ANXA6: variants seen among roughly 807,000 people sequenced by gnomAD.
The protein encoded by ANXA6 is annexin A6.
In ANXA6, 71 loss-of-function variants were observed where a neutral mutation model predicts 95.4. The observed-to-expected ratio is 0.74, with a 90% CI of 0.61 to 0.91. The LOEUF (loss-of-function observed/expected upper bound fraction) is 0.91. Ranked by LOEUF, ANXA6 falls within the 40% of genes least tolerant of loss-of-function variation. The pLI, the probability that ANXA6 is intolerant of heterozygous loss-of-function variation, is 0.00. For missense variants in ANXA6, 830 were observed against 876.4 expected, an observed-to-expected ratio of 0.95 and a Z score of 0.67; for synonymous variants, 289 against 315.9, an observed-to-expected ratio of 0.91 and a Z score of 0.90.
At chr5:151,148,956 T>G (rs1484974669) in intron 1 of ANXA6, among the ~76,000 whole-genome samples, 1 of 151,428 alleles carries the variant, frequency 6.6e-6, no homozygotes, top group African/African-American at 2.4e-5. Flanking sequence ...GGGAGGATAA[T>G]TTGAGCCCAG....
intron 7 of ANXA6, among the ~76,000 whole-genome samples, chr5:151,134,872 G>C (rs1392370839): frequency 1.3e-5 from 2 of 152,140 alleles, no homozygotes; most frequent in Non-Finnish European, 2.9e-5. Context: ...ATTCCACAGG[G>C]GCAAAGGATC....
intron 13 of ANXA6, among the ~76,000 whole-genome samples, chr5:151,127,780 CACTTA>C (rs1765369016): frequency 6.6e-6 from 1 of 152,202 alleles, no homozygotes; most frequent in African/African-American, 2.4e-5. Flanking sequence ...ACCCAGAAGG[CACTTA>C]ACACAAATAT....
At chr5:151,129,923 C>A (rs558743018) in intron 11 of ANXA6, among the ~76,000 whole-genome samples, 1 of 152,156 alleles carries the variant, frequency 6.6e-6, no homozygotes, top group Non-Finnish European at 1.5e-5. Flanking sequence ...GTTGGCCAGG[C>A]TGGTCTTGAA....
At chr5:151,105,334 C>G in intron 23 of ANXA6, 31 bp from the exon 24 acceptor site, 1 of 1,610,082 alleles carries the variant, frequency 6.2e-7, no homozygotes, top group Non-Finnish European at 8.5e-7. Context: ...ATGCGGGGAA[C>G]GTGGTCAGAG....
intron 4 of ANXA6, 33 bp from the exon 5 acceptor site, chr5:151,138,824 G>C: frequency 6.9e-7 from 1 of 1,458,428 alleles, no homozygotes; most frequent in Non-Finnish European, 9.6e-7. Flanking sequence ...AGATAGAAGA[G>C]GAAAGAGGAA....
chr5:151,135,112 G>A (rs780150726), intron 7 of ANXA6, among the ~76,000 whole-genome samples: 6 of 152,268 alleles, frequency 3.9e-5, no homozygotes, highest in Non-Finnish European at 5.9e-5. Flanking sequence ...TCCTTCTTAC[G>A]TGGGCAGAGG....
chr5:151,135,327 C>T (rs1050486573), intron 7 of ANXA6, among the ~76,000 whole-genome samples: 6 of 152,176 alleles, frequency 3.9e-5, no homozygotes, highest in Non-Finnish European at 5.9e-5. Flanking sequence ...GGACACTCCT[C>T]TCCAGAACAA....
chr5:151,103,145 AG>A (rs1554083397), intron 25 of ANXA6, among the ~76,000 whole-genome samples: 1 of 151,960 alleles, frequency 6.6e-6, no homozygotes, highest in Non-Finnish European at 1.5e-5. Flanking sequence ...TACAGGCATG[AG>A]CCAACACACC....
chr5:151,114,735 A>G (rs1454051527), intron 20 of ANXA6, among the ~76,000 whole-genome samples: 1 of 151,668 alleles, frequency 6.6e-6, no homozygotes, highest in Non-Finnish European at 1.5e-5. Flanking sequence ...CTCTAATTGG[A>G]CAACAGAGTG....
chr5:151,146,566 C>T (rs752435332), intron 2 of ANXA6, among the ~76,000 whole-genome samples: 8 of 152,244 alleles, frequency 5.3e-5, no homozygotes, highest in Non-Finnish European at 1.0e-4. Context: ...TCAACCATTC[C>T]GTAAGGGGAA....
chr5:151,115,607 T>C (rs933132868), intron 20 of ANXA6, among the ~76,000 whole-genome samples: 1 of 152,204 alleles, frequency 6.6e-6, no homozygotes. Flanking sequence ...GCTGAGATTT[T>C]TAAAAAACTC....
chr5:151,126,528 G>T, intron 13 of ANXA6, 48 bp from the exon 14 acceptor site: 1 of 1,408,402 alleles, frequency 7.1e-7, no homozygotes. Flanking sequence ...TGTCATCATG[G>T]GCAACACTCA....
chr5:151,155,008 T>C (rs1318783340), intron 1 of ANXA6: 1 of 151,476 alleles, frequency 6.6e-6, no homozygotes, highest in Non-Finnish European at 1.5e-5. Flanking sequence ...ACCTCCCTCA[T>C]AGGAGTTATG....
chr5:151,127,816 G>A (rs556351076), intron 13 of ANXA6, among the ~76,000 whole-genome samples: 1 of 152,206 alleles, frequency 6.6e-6, no homozygotes, highest in African/African-American at 2.4e-5. Context: ...TGAGTAGGCA[G>A]AGCAGGAATG....
chr5:151,109,228 G>A, intron 22 of ANXA6, among the ~76,000 whole-genome samples: 1 of 152,084 alleles, frequency 6.6e-6, no homozygotes, highest in South Asian at 2.1e-4. Context: ...GACATTAAAT[G>A]TAGACATTTA....
intron 19 of ANXA6, 96 bp from the exon 20 acceptor site, chr5:151,117,276 T>C (rs1765027716): frequency 2.4e-6 from 3 of 1,262,438 alleles, no homozygotes; most frequent in Admixed American, 4.7e-5. Flanking sequence ...CCTCTCTGAA[T>C]GCTCTTCCTC....
chr5:151,140,281 G>T, intron 2 of ANXA6, 38 bp from the exon 3 acceptor site: 1 of 1,578,496 alleles, frequency 6.3e-7, no homozygotes. Context: ...TGCCAACCCC[G>T]GACTGAGACC....
chr5:151,116,710 C>G (rs992569254), intron 20 of ANXA6, among the ~76,000 whole-genome samples: 1 of 152,232 alleles, frequency 6.6e-6, no homozygotes, highest in African/African-American at 2.4e-5. Flanking sequence ...ATCTCGGTCC[C>G]ATTTTACAGA....
chr5:151,124,536 T>TGAGAAA (rs1765261766), intron 14 of ANXA6, among the ~76,000 whole-genome samples, 169 bp from the exon 15 acceptor site: 1 of 146,726 alleles, frequency 6.8e-6, no homozygotes, highest in Admixed American at 6.7e-5. Flanking sequence ...GCACGAGAGC[T>TGAGAAA]GAGAGAGAGA....
Sources: gnomAD v4.1 joint callset for allele counts (sites outside exome capture counted in the v4.1 genomes callset) on GRCh38, gnomAD v4.1.1 for gene constraint, MANE v1.5 for transcripts, NCBI Gene and HGNC (gene_info 2026-07-23, HGNC 2026-07-21) for gene names.